Variants in CHN2 observed in about 807,000 individuals in gnomAD.
CHN2 encodes the protein chimerin 2.
CHN2 carries 35 observed loss-of-function variants against 56.3 expected under a neutral mutation model. The ratio of observed to expected loss-of-function variants is 0.62; its 90% confidence interval spans 0.47 to 0.82. The LOEUF is 0.82. Ranked by LOEUF, CHN2 falls within the 40% of genes least tolerant of loss-of-function variation. The pLI is 0.00. For synonymous variants in CHN2, 210 were observed against 212.8 expected (o/e 0.99, Z 0.12); for missense variants, 491 against 580.5 (o/e 0.85, Z 1.58).
At position 29,153,656 on chromosome 7, in the gene CHN2, G is replaced by A. The variant is rs146096909; in HGVS notation, c.274+6696G>A. Among the ~76,000 whole-genome samples the A allele has an allele frequency of 2.2e-3, 327 of 151,390 alleles. 2 individuals are homozygous for A. Among genetic ancestry groups the A allele is most frequent in the African/African-American group, 7.3e-3 (301 of 41,298 alleles). On this transcript the variant is annotated intron_variant, in intron 2 of 6. Transcript: ENST00000439384. The stretch of plus-strand genomic sequence containing the variant: ...ATGATCTTGGCTCACTGCAACCTCC[G>A]CCTCCCAGGTTCAAGGAATTCTCAT...
intron 7 of CHN2, chr7:29,484,028 T>C (rs1046832561): frequency 1.9e-6 from 1 of 519,808 alleles, no homozygotes; most frequent in Admixed American, 2.4e-5. Flanking sequence ...TGCCTCTCAC[T>C]TGTATTTTTG....
chr7:29,154,308 C>G (rs1005981074), intron 2 of CHN2, among the ~76,000 whole-genome samples: 2 of 152,164 alleles, frequency 1.3e-5, no homozygotes, highest in Admixed American at 6.5e-5. Flanking sequence ...GATCAGGCCC[C>G]TCTCCATTCG....
intron 3 of CHN2, among the ~76,000 whole-genome samples, chr7:29,374,383 G>A (rs1272221432): frequency 6.6e-6 from 1 of 151,700 alleles, no homozygotes; most frequent in African/African-American, 2.4e-5. Flanking sequence ...AGAACCAAAT[G>A]TTTTCTGCTT....
At chr7:29,466,798 G>A (rs1321294904) in intron 6 of CHN2, among the ~76,000 whole-genome samples, 2 of 152,044 alleles carry the variant, frequency 1.3e-5, no homozygotes, top group Non-Finnish European at 2.9e-5. Context: ...TTCCCTAAGG[G>A]AAACATTTTC....
At chr7:29,457,392 C>T (rs542884766) in intron 6 of CHN2, among the ~76,000 whole-genome samples, 4 of 152,282 alleles carry the variant, frequency 2.6e-5, no homozygotes, top group African/African-American at 9.6e-5. Flanking sequence ...CATCAGCCCC[C>T]AGGCCGTCTC....
At chr7:29,414,744 C>T (rs927218947) in intron 6 of CHN2, among the ~76,000 whole-genome samples, 16 of 152,196 alleles carry the variant, frequency 1.1e-4, no homozygotes, top group Non-Finnish European at 2.2e-4. Flanking sequence ...GCCGGCAAAA[C>T]AGAGCAATTC....
At chr7:29,382,320 T>G (rs1481582811) in intron 3 of CHN2, among the ~76,000 whole-genome samples, 1 of 152,190 alleles carries the variant, frequency 6.6e-6, no homozygotes, top group Non-Finnish European at 1.5e-5. Context: ...GGGACTTCGA[T>G]TAGCAGAATC....
At chr7:29,378,977 A>G (rs1365651656) in intron 3 of CHN2, among the ~76,000 whole-genome samples, 1 of 152,240 alleles carries the variant, frequency 6.6e-6, no homozygotes, top group Non-Finnish European at 1.5e-5. Flanking sequence ...AGAAAGAAAA[A>G]GAAAAAGAGT....
intron 1 of CHN2, among the ~76,000 whole-genome samples, chr7:29,252,576 T>TATGCATCTTATAGAGAGTGAGATTTCAG (rs1424304454): frequency 1.5e-5 from 1 of 67,012 alleles, no homozygotes; most frequent in African/African-American, 1.0e-4. Flanking sequence ...ATTGCATTCT[T>TATGCATCTTATAGAGAGTGAGATTTCAG]TGTTTTTTTT....
chr7:29,315,750 A>G (rs761242419), intron 1 of CHN2, among the ~76,000 whole-genome samples: 9 of 152,202 alleles, frequency 5.9e-5, no homozygotes, highest in Non-Finnish European at 7.3e-5. Flanking sequence ...TCAGCAGTGA[A>G]TAAAAGAAAA....
At chr7:29,482,901 A>G (rs1787477865) in intron 7 of CHN2, among the ~76,000 whole-genome samples, 1 of 128,096 alleles carries the variant, frequency 7.8e-6, no homozygotes, top group African/African-American at 3.0e-5. Flanking sequence ...GGCTCACTGC[A>G]AGCTCCGCCT....
intron 1 of CHN2, among the ~76,000 whole-genome samples, chr7:29,353,406 C>T (rs1394912211): frequency 2.6e-5 from 4 of 152,228 alleles, no homozygotes; most frequent in Non-Finnish European, 5.9e-5. Context: ...GTAATCCTAG[C>T]ACTTTGGGAG....
intron 6 of CHN2, among the ~76,000 whole-genome samples, chr7:29,460,449 C>T (rs1279665890): frequency 1.3e-5 from 2 of 152,220 alleles, no homozygotes; most frequent in African/African-American, 4.8e-5. Context: ...AGAGGGTACC[C>T]TTCTAAAGGC....
chr7:29,308,000 C>T (rs1794302661), intron 1 of CHN2, among the ~76,000 whole-genome samples: 1 of 152,174 alleles, frequency 6.6e-6, no homozygotes, highest in Non-Finnish European at 1.5e-5. Flanking sequence ...TTTAGCACTG[C>T]ATCTTTCTGG....
At chr7:29,354,497 G>T in intron 1 of CHN2, 128 bp from the exon 2 acceptor site, 2 of 776,508 alleles carry the variant, frequency 2.6e-6, no homozygotes. Flanking sequence ...CTCCCTAAAT[G>T]AGAAGAGAGT....
At position 29,507,333 on chromosome 7, in the gene CHN2, A is replaced by G; in HGVS notation, c.1097A>G (p.Tyr366Cys). 6.2e-7 allele frequency: 1 copy of G among 1,610,878 alleles called. No homozygotes were observed. Among genetic ancestry groups the G allele is most frequent in the Non-Finnish European group, 8.5e-7 (1 of 1,178,542 alleles). Residue 366 changes from tyrosine to cysteine, a missense_variant, in exon 11 of 13, where the codon TAT becomes TGT. Physicochemically the swap from Tyr to Cys is radical, Grantham distance 194. Transcript: ENST00000222792. ...GACTTACCCATCCCTGTCATCACAT[A>G]TGATACCTATTCCAAATTTATAGAT... is the stretch of plus-strand genomic sequence containing the variant. Reference protein sequence around the residue: ...FRDLPIPVITYDTYSKFIDAA... With the variant: ...FRDLPIPVITCDTYSKFIDAA...
intron 2 of CHN2, among the ~76,000 whole-genome samples, chr7:29,173,741 G>A (rs1379705489): frequency 2.7e-5 from 4 of 150,924 alleles, no homozygotes; most frequent in Admixed American, 6.6e-5. Context: ...TCAGGTGCCC[G>A]GCCTGTCCAA....
At chr7:29,388,813 AT>A (rs1409957665) in intron 3 of CHN2, among the ~76,000 whole-genome samples, 1 of 152,216 alleles carries the variant, frequency 6.6e-6, no homozygotes, top group East Asian at 1.9e-4. Flanking sequence ...AAAACATAAC[AT>A]TCGCATGGCC....
chr7:29,353,212 AATT>A (rs1221715590), intron 1 of CHN2, among the ~76,000 whole-genome samples: 1 of 152,214 alleles, frequency 6.6e-6, no homozygotes, highest in East Asian at 1.9e-4. Flanking sequence ...GCAAGGTAAT[AATT>A]GTGAAAGAAT....
Sources: gnomAD v4.1 joint callset for allele counts (sites outside exome capture counted in the v4.1 genomes callset) on GRCh38, gnomAD v4.1.1 for gene constraint, MANE v1.5 for transcripts, NCBI Gene and HGNC (gene_info 2026-07-23, HGNC 2026-07-21) for gene names.